GPC6: variants seen among roughly 807,000 people sequenced by gnomAD.
GPC6 encodes the protein glypican-6.
Under a neutral mutation model 55.2 loss-of-function variants are expected in GPC6, and 14 were observed. The ratio of observed to expected loss-of-function variants is 0.25; its 90% CI spans 0.17 to 0.40. The LOEUF is 0.40. Among genes scored for constraint, GPC6 ranks in the 10% least tolerant of loss-of-function variants. GPC6 has a pLI of 1.00. For synonymous variants in GPC6, 278 were observed against 259.6 expected (o/e 1.07, Z -0.68); for missense variants, 641 against 708.5 (o/e 0.90, Z 1.08).
chr13:93,574,601 C>A (rs1876568378), intron 2 of GPC6, among the ~76,000 whole-genome samples: 1 of 152,040 alleles, frequency 6.6e-6, no homozygotes, highest in Admixed American at 6.5e-5. Flanking sequence ...AAAAATGCAA[C>A]CATTTGAAGT....
chr13:93,339,772 A>G (rs1403080122), intron 1 of GPC6, among the ~76,000 whole-genome samples: 5 of 152,216 alleles, frequency 3.3e-5, no homozygotes. Context: ...CTCAAAAGCA[A>G]TAATGTTTTG....
At chr13:93,278,337 CT>C (rs1877830975) in intron 1 of GPC6, among the ~76,000 whole-genome samples, 1 of 152,124 alleles carries the variant, frequency 6.6e-6, no homozygotes, top group Non-Finnish European at 1.5e-5. Flanking sequence ...CAGTTCGATA[CT>C]ATTAGGTATA....
chr13:93,504,205 A>G (rs1880622263), intron 1 of GPC6, among the ~76,000 whole-genome samples: 1 of 152,178 alleles, frequency 6.6e-6, no homozygotes, highest in African/African-American at 2.4e-5. Flanking sequence ...AAGATGTGGA[A>G]TGTGTTAAAA....
chr13:93,829,378 G>T (rs960466892), intron 2 of GPC6, among the ~76,000 whole-genome samples: 6 of 152,144 alleles, frequency 3.9e-5, no homozygotes, highest in African/African-American at 1.4e-4. Flanking sequence ...TCCTATAAGG[G>T]ATCCCAGTAA....
At chr13:93,893,890 A>C (rs191594863) in intron 3 of GPC6, among the ~76,000 whole-genome samples, 2 of 152,284 alleles carry the variant, frequency 1.3e-5, no homozygotes. Context: ...CTCTTCCACA[A>C]AAAACAGTTT....
chr13:93,456,274 G>T (rs1409912529), intron 1 of GPC6, among the ~76,000 whole-genome samples: 1 of 152,020 alleles, frequency 6.6e-6, no homozygotes, highest in Non-Finnish European at 1.5e-5. Flanking sequence ...AATGGCCTCC[G>T]AGAAAGTTGA....
At chr13:93,492,206 G>T (rs945726964) in intron 1 of GPC6, among the ~76,000 whole-genome samples, 1 of 147,000 alleles carries the variant, frequency 6.8e-6, no homozygotes, top group African/African-American at 2.6e-5. Context: ...TTGAGCAGTG[G>T]TTTGTAGTTC....
At chr13:94,327,137 A>T (rs888309176) in intron 6 of GPC6, among the ~76,000 whole-genome samples, 3 of 152,258 alleles carry the variant, frequency 2.0e-5, no homozygotes, top group African/African-American at 7.2e-5. Flanking sequence ...TTTTCTCCAC[A>T]TGTATGATTT....
intron 3 of GPC6, among the ~76,000 whole-genome samples, chr13:93,999,668 T>A (rs1332047246): frequency 6.6e-6 from 1 of 152,168 alleles, no homozygotes; most frequent in African/African-American, 2.4e-5. Context: ...GTCGACCACA[T>A]TTTTTGTTCA....
At chr13:93,542,604 T>C (rs879146906) in intron 1 of GPC6, among the ~76,000 whole-genome samples, 1 of 152,340 alleles carries the variant, frequency 6.6e-6, no homozygotes, top group Middle Eastern at 3.4e-3. Flanking sequence ...AATCTATAAA[T>C]TATCTTGGGC....
intron 2 of GPC6, among the ~76,000 whole-genome samples, chr13:93,603,345 A>C (rs1878104418): frequency 6.6e-6 from 1 of 152,180 alleles, no homozygotes; most frequent in Non-Finnish European, 1.5e-5. Flanking sequence ...ATATTGCATC[A>C]CTAAAGCAGA....
At chr13:94,309,189 A>G (rs1220913975) in intron 6 of GPC6, among the ~76,000 whole-genome samples, 1 of 152,192 alleles carries the variant, frequency 6.6e-6, no homozygotes, top group Non-Finnish European at 1.5e-5. Flanking sequence ...TCAGCAGAAA[A>G]ATGCTTCCAA....
upstream of GPC6, among the ~76,000 whole-genome samples, chr13:93,221,871 G>A (rs1026597099): frequency 9.2e-5 from 14 of 152,184 alleles, no homozygotes; most frequent in East Asian, 1.4e-3. Context: ...CCATTCTCCT[G>A]TTTTCCTAAG....
chr13:93,771,434 T>G (rs1266204197), intron 2 of GPC6, among the ~76,000 whole-genome samples: 2 of 152,150 alleles, frequency 1.3e-5, no homozygotes, highest in Non-Finnish European at 2.9e-5. Context: ...TCATCGCATC[T>G]CATTTGTCTC....
intron 3 of GPC6, among the ~76,000 whole-genome samples, chr13:93,912,495 G>A (rs890228822): frequency 5.3e-5 from 8 of 152,172 alleles, no homozygotes; most frequent in Non-Finnish European, 1.2e-4. Context: ...TGTAATCCCA[G>A]CAATTTGGGA....
At chr13:93,272,980 G>A (rs1877588484) in intron 1 of GPC6, among the ~76,000 whole-genome samples, 1 of 152,050 alleles carries the variant, frequency 6.6e-6, no homozygotes, top group Non-Finnish European at 1.5e-5. Flanking sequence ...TAAAAATGTA[G>A]GACAAAGGAA....
At chr13:93,577,351 T>C (rs990277037) in intron 2 of GPC6, among the ~76,000 whole-genome samples, 2 of 152,126 alleles carry the variant, frequency 1.3e-5, no homozygotes, top group Non-Finnish European at 2.9e-5. Context: ...ATCTCACTTT[T>C]GAAAATTTTA....
At chr13:93,654,293 G>A (rs551896932) in intron 2 of GPC6, among the ~76,000 whole-genome samples, 7 of 151,890 alleles carry the variant, frequency 4.6e-5, no homozygotes, top group South Asian at 2.1e-4. Context: ...TCACTCTGTC[G>A]CCCAGGCTGG....
At chr13:94,329,036 G>T (rs74103904) in intron 6 of GPC6, among the ~76,000 whole-genome samples, 1,809 of 152,272 alleles carry the variant, frequency 0.012, 29 homozygotes, top group African/African-American at 0.04. Flanking sequence ...CCCCGGGGGG[G>T]GCTGAAATGG....
Sources: allele counts gnomAD v4.1 joint callset (sites outside exome capture counted in the v4.1 genomes callset), GRCh38; gene constraint gnomAD v4.1.1; transcripts MANE v1.5; gene names NCBI Gene and HGNC (gene_info 2026-07-23, HGNC 2026-07-21).